The following DNAH3 variants were observed in gnomAD, a reference collection of about 807,000 sequenced individuals.
DNAH3 encodes axonemal beta dynein heavy chain 3.
DNAH3 carries 332 observed loss-of-function variants against 432.5 expected under a neutral mutation model. That is an observed-to-expected ratio of 0.77 (90% CI 0.70 to 0.84). The LOEUF is 0.84. Ranked by LOEUF, DNAH3 falls within the 40% of genes least tolerant of loss-of-function variation. The pLI is 0.00. For synonymous variants in DNAH3, 1,956 were observed against 1,900.2 expected (o/e 1.03, Z -0.76); for missense variants, 4,861 against 5,114.0 (o/e 0.95, Z 1.51).
At position 21,039,966 on chromosome 16, in the gene DNAH3, G is replaced by T. The variant is rs1198855568; in HGVS notation, c.4639-23C>A. On this transcript the variant is annotated intron_variant, in intron 32 of 61. Transcript: ENST00000261383. ...GGCCTGGAAAAGAAACAACAAATCAGAATCGGAACACGTGCAGTGAATACT... is the reference window on the plus strand; with the variant it reads ...GGCCTGGAAAAGAAACAACAAATCATAATCGGAACACGTGCAGTGAATACT... 5 of 1,586,870 alleles carry T rather than the reference G, an allele frequency of 3.2e-6. No individual in the cohort carries two copies. The East Asian group carries it at 8.9e-5, about 28-fold the overall frequency.
At chr16:21,036,638 C>T (rs891640290) in intron 35 of DNAH3, 76 bp downstream of exon 35, 1 of 1,363,164 alleles carries the variant, frequency 7.3e-7, no homozygotes. Context: ...CAGTTCCAAT[C>T]TCCTATAAGA....
At chr16:20,974,636 G>C (rs2085500195) in intron 51 of DNAH3, among the ~76,000 whole-genome samples, 1 of 129,176 alleles carries the variant, frequency 7.7e-6, no homozygotes, top group Non-Finnish European at 1.6e-5. Context: ...TCCCAGGCTG[G>C]TCTTAAACTC....
At chr16:20,933,432 C>A (rs1420608802) in exon 62 of DNAH3, 8 of 1,613,934 alleles carry the variant, frequency 5.0e-6, no homozygotes, top group Non-Finnish European at 6.8e-6. Flanking sequence ...TCCCAACGGG[C>A]ACCTTCTAAG....
intron 4 of DNAH3, 45 bp downstream of exon 5, chr16:21,141,255 C>G (rs753364489): frequency 7.3e-7 from 1 of 1,373,382 alleles, no homozygotes; most frequent in East Asian, 2.5e-5. Context: ...TCCTTCTGTT[C>G]AGCCCACCGT....
At chr16:20,984,033 A>AAAG in intron 48 of DNAH3, among the ~76,000 whole-genome samples, 1 of 151,120 alleles carries the variant, frequency 6.6e-6, no homozygotes, top group African/African-American at 2.4e-5. Flanking sequence ...TATCCAGAAA[A>AAAG]AAAAAAAAAA....
rs1345728825 is a variant in DNAH3, at chr16:21,140,561, TTTTC to T, written c.667_670del (p.Glu223ArgfsTer15). The T allele has an allele frequency of 6.2e-7, 1 of 1,613,934 alleles. No homozygotes were observed. The highest frequency in any genetic ancestry group is 8.5e-7 in the Non-Finnish European group (1 of 1,179,952). ...CTCCAGGTCCGATTCAGATGGCTTC[TTTTC>T]TTTACTTTCCATTTCCATCTCCTGC... On this transcript the variant is annotated frameshift_variant, in exon 5 of 62. Transcript: ENST00000261383. LOFTEE classifies it high-confidence loss of function.
At chr16:21,072,278 G>GTGCA (rs2152763993) in intron 21 of DNAH3, among the ~76,000 whole-genome samples, 1 of 151,918 alleles carries the variant, frequency 6.6e-6, no homozygotes, top group East Asian at 1.9e-4. Flanking sequence ...AAGTTTTAGG[G>GTGCA]TGCATGTGCA....
chr16:20,972,238 CTTT>C (rs567074716), intron 51 of DNAH3, among the ~76,000 whole-genome samples: 3 of 143,008 alleles, frequency 2.1e-5, no homozygotes, highest in East Asian at 2.0e-4. Flanking sequence ...TTTTTTCTCT[CTTT>C]TTTTTTTTTT....
At chr16:21,059,411 CA>C (rs2090260946) in intron 26 of DNAH3, among the ~76,000 whole-genome samples, 1 of 152,144 alleles carries the variant, frequency 6.6e-6, no homozygotes, top group South Asian at 2.1e-4. Context: ...GGTCAGTCCC[CA>C]GGACTTTAGT....
chr16:21,145,440 G>C, intron 2 of DNAH3, 34 bp from the exon 4 acceptor site: 1 of 1,564,226 alleles, frequency 6.4e-7, no homozygotes. Flanking sequence ...GAGACACAAT[G>C]AGGAACATCT....
At position 20,997,587 on chromosome 16, in the gene DNAH3, T is replaced by A. The variant is rs911172425; in HGVS notation, c.6422-125A>T. 5 of 1,126,312 alleles carry A rather than the reference T, an allele frequency of 4.4e-6. No homozygotes were observed. The African/African-American group carries it at 6.3e-5, about 14-fold the overall frequency. The allele number at this position is 1,126,312 out of a possible 1,614,324, so 69.8% of individuals were successfully genotyped here. A position where few individuals can be genotyped will look rare whatever the true frequency, so the allele number is the denominator to read the frequency against. On this transcript the variant is annotated intron_variant, in intron 43 of 61. Coordinates refer to ENST00000261383, the Ensembl canonical transcript of DNAH3. ...CCAGGTTTCCATTCCCCATTCCAGT[T>A]AGGGCTTAGTCAATGGATGCCCTGA...
At chr16:21,126,643 C>T (rs1322502018) in intron 8 of DNAH3, among the ~76,000 whole-genome samples, 1 of 152,176 alleles carries the variant, frequency 6.6e-6, no homozygotes, top group Non-Finnish European at 1.5e-5. Flanking sequence ...GGTCCCCAAC[C>T]CCTGGGCCAT....
At chr16:21,148,440 T>TA (rs1567877075) in intron 1 of DNAH3, among the ~76,000 whole-genome samples, 1 of 139,594 alleles carries the variant, frequency 7.2e-6, no homozygotes, top group African/African-American at 2.8e-5. Flanking sequence ...TTATTATTAT[T>TA]TATTTTTTTT....
exon 45 of DNAH3, chr16:20,988,022 A>T: frequency 6.2e-7 from 1 of 1,614,162 alleles, no homozygotes; most frequent in Non-Finnish European, 8.5e-7. Flanking sequence ...TGTCATCCTC[A>T]AAGGCATTGA....
At chr16:20,979,238 G>A (rs899319085) in intron 50 of DNAH3, 92 bp downstream of exon 50, 1 of 1,137,408 alleles carries the variant, frequency 8.8e-7, no homozygotes. Flanking sequence ...GCTTGATCTG[G>A]TGTCCTCTTA....
At chr16:21,105,945 G>C (rs2091934890) in intron 15 of DNAH3, among the ~76,000 whole-genome samples, 1 of 152,088 alleles carries the variant, frequency 6.6e-6, no homozygotes, top group Non-Finnish European at 1.5e-5. Flanking sequence ...CACTTGGGAG[G>C]CTGAGGCGGG....
Position 20,935,364 on chromosome 16 carries a change from A to G in DNAH3, c.11981T>C (p.Ile3994Thr), listed in dbSNP as rs1338723158. ...CACCCCTACCTCAAACTCAAATCCA[A>G]TGTGGTCAATGGGGATGGTATATTT... is the stretch of plus-strand genomic sequence containing the variant. The change falls in exon 61 of 62, where the codon ATT becomes ACT. Residue 3994 changes from isoleucine (I) to threonine (T), a missense_variant. By Grantham distance (89) the Ile-to-Thr change is moderately conservative. Coordinates refer to ENST00000261383, the Ensembl canonical transcript of DNAH3. 12 of 1,613,854 alleles carry G rather than the reference A, an allele frequency of 7.4e-6. No homozygotes were observed. Among genetic ancestry groups the G allele is most frequent in the South Asian group, 1.1e-5 (1 of 91,068 alleles).
intron 51 of DNAH3, among the ~76,000 whole-genome samples, chr16:20,972,739 A>ATTTTTTTTTTTTTTTTTTTTTTTTTTTT (rs34245316): frequency 1.0e-5 from 1 of 95,976 alleles, no homozygotes. Flanking sequence ...ATGCCCCGTG[A>ATTTTTTTTTTTTTTTTTTTTTTTTTTTT]TTTTTTTTTT....
chr16:21,023,818 T>TGG (rs1436285816), intron 39 of DNAH3, among the ~76,000 whole-genome samples: 1 of 151,658 alleles, frequency 6.6e-6, no homozygotes, highest in Non-Finnish European at 1.5e-5. Context: ...TGTGTGTGTG[T>TGG]GGACTGGCGC....
Sources: allele counts gnomAD v4.1 joint callset (sites outside exome capture counted in the v4.1 genomes callset), GRCh38; gene constraint gnomAD v4.1.1; transcripts MANE v1.5; gene names NCBI Gene and HGNC (gene_info 2026-07-23, HGNC 2026-07-21).